NCKAP5: variants seen among roughly 807,000 people sequenced by gnomAD.
NCKAP5 encodes the protein NCK associated protein 5.
A neutral mutation model predicts 167.0 loss-of-function variants in NCKAP5; 92 were observed. That is an observed-to-expected ratio of 0.55 (90% CI 0.47 to 0.66). The LOEUF is 0.66. Among genes scored for constraint, NCKAP5 ranks in the 30% least tolerant of loss-of-function variants. The pLI is 0.00. For missense variants in NCKAP5, 2,378 were observed against 2,315.0 expected (o/e 1.03, Z -0.56); for synonymous variants, 891 against 877.4 (o/e 1.02, Z -0.27).
intron 6 of NCKAP5, among the ~76,000 whole-genome samples, chr2:133,106,744 G>A (rs1330812003): frequency 1.3e-5 from 2 of 152,078 alleles, no homozygotes; most frequent in African/African-American, 2.4e-5. Flanking sequence ...ACAGAGTTGT[G>A]GAAACAGCTG....
At chr2:133,544,026 C>T (rs1686446957) in intron 2 of NCKAP5, among the ~76,000 whole-genome samples, 1 of 152,190 alleles carries the variant, frequency 6.6e-6, no homozygotes, top group African/African-American at 2.4e-5. Context: ...CAATGGATTT[C>T]TTTGCAAATA....
intron 3 of NCKAP5, among the ~76,000 whole-genome samples, chr2:133,515,608 G>A (rs922065424): frequency 6.6e-6 from 1 of 152,186 alleles, no homozygotes; most frequent in Non-Finnish European, 1.5e-5. Flanking sequence ...CAAGTTTCAG[G>A]GTACAGCCAT....
chr2:133,208,720 G>A (rs540417306), intron 5 of NCKAP5, among the ~76,000 whole-genome samples: 1 of 152,272 alleles, frequency 6.6e-6, no homozygotes, highest in Non-Finnish European at 1.5e-5. Context: ...AGTGTACCAT[G>A]CTAATGCAAA....
At chr2:132,947,341 T>C (rs1045063578) in intron 8 of NCKAP5, among the ~76,000 whole-genome samples, 1 of 152,200 alleles carries the variant, frequency 6.6e-6, no homozygotes, top group African/African-American at 2.4e-5. Context: ...AAATAAGATA[T>C]GCTAATTTAT....
intron 8 of NCKAP5, among the ~76,000 whole-genome samples, chr2:132,935,984 T>C (rs1049937353): frequency 1.3e-5 from 2 of 151,440 alleles, no homozygotes; most frequent in African/African-American, 2.4e-5. Context: ...TTTTTTCTTT[T>C]TTTTTTTTTT....
intron 6 of NCKAP5, among the ~76,000 whole-genome samples, chr2:133,021,185 C>T (rs150303748): frequency 1.3e-5 from 2 of 152,178 alleles, no homozygotes; most frequent in African/African-American, 4.8e-5. Flanking sequence ...GAAAGCAGTA[C>T]CCTTAGAGGA....
At chr2:133,535,125 A>G (rs1685658823) in intron 2 of NCKAP5, among the ~76,000 whole-genome samples, 1 of 152,116 alleles carries the variant, frequency 6.6e-6, no homozygotes, top group African/African-American at 2.4e-5. Flanking sequence ...GGCTACTTGT[A>G]TATTGTTTTA....
chr2:133,592,147 C>T, the NCKAP5 span, among the ~76,000 whole-genome samples: 6 of 152,194 alleles, frequency 3.9e-5, no homozygotes, highest in East Asian at 5.8e-4. Flanking sequence ...ATACTATCTG[C>T]GTAGAATTCT....
Position 133,559,041 on chromosome 2 carries a change from A to G in NCKAP5, c.-62+9T>C, listed in dbSNP as rs943194536. 6.6e-6 allele frequency: 1 copy of G among 152,162 alleles called. No individual in the cohort carries two copies. The highest frequency in any genetic ancestry group is 1.5e-5 in the Non-Finnish European group (1 of 68,026). The allele number at this position is 152,162 out of a possible 1,614,324, so 9.4% of individuals were successfully genotyped here. On this transcript the variant is annotated intron_variant, in intron 2 of 19. Coordinates refer to ENST00000409261, the MANE Select transcript of NCKAP5 (RefSeq NM_207363.3). Reference sequence around the variant, plus strand: ...ATAGTATTATTAATAACGTATTAATACTACTTACATGTATTGTGAGTCTAT... The same window carrying G: ...ATAGTATTATTAATAACGTATTAATGCTACTTACATGTATTGTGAGTCTAT...
chr2:133,115,356 T>C (rs916510102), intron 6 of NCKAP5, among the ~76,000 whole-genome samples: 1 of 152,102 alleles, frequency 6.6e-6, no homozygotes, highest in Non-Finnish European at 1.5e-5. Context: ...CGATATTTTG[T>C]GGATTTCTTT....
the NCKAP5 span, among the ~76,000 whole-genome samples, chr2:133,656,213 G>A: frequency 7.2e-5 from 11 of 152,066 alleles, no homozygotes; most frequent in African/African-American, 2.4e-4. Context: ...ATTTGACCTT[G>A]GGCAAGTTAT....
chr2:132,937,047 G>A (rs992802314), intron 8 of NCKAP5, among the ~76,000 whole-genome samples: 4 of 152,150 alleles, frequency 2.6e-5, no homozygotes, highest in African/African-American at 7.2e-5. Context: ...TCCCACTGAG[G>A]GTAACTTGAG....
chr2:132,688,025 G>A (rs377688093), intron 19 of NCKAP5, among the ~76,000 whole-genome samples: 2 of 152,130 alleles, frequency 1.3e-5, no homozygotes, highest in African/African-American at 2.4e-5. Context: ...AACTCTGAAC[G>A]ACTACAAAAC....
At position 132,784,450 on chromosome 2, in the gene NCKAP5, C is replaced by T. The variant is rs780838969; in HGVS notation, c.2361G>A (p.Arg787=). 1 of 1,604,676 alleles carries T rather than the reference C, an allele frequency of 6.2e-7. No individual in the cohort carries two copies. Among genetic ancestry groups the T allele is most frequent in the South Asian group, 1.1e-5 (1 of 89,344 alleles). The change falls in exon 14 of 20, where the codon AGG becomes AGA. Residue 787 remains arginine (R), a synonymous_variant. Coordinates refer to ENST00000409261, the MANE Select transcript of NCKAP5 (RefSeq NM_207363.3). ...THNISCQSNS[R]SSAPMGIYQK... The stretch of plus-strand genomic sequence containing the variant: ...GATAGATGCCCATGGGTGCCGAAGA[C>T]CTGGAATTACTCTGGCATGATATAT...
intron 4 of NCKAP5, among the ~76,000 whole-genome samples, chr2:133,224,692 G>A (rs1298778526): frequency 6.6e-6 from 1 of 152,108 alleles, no homozygotes; most frequent in African/African-American, 2.4e-5. Context: ...CTGAATTAAA[G>A]TAACCCATTT....
chr2:133,499,928 C>T (rs1218280533), intron 3 of NCKAP5, among the ~76,000 whole-genome samples: 1 of 152,100 alleles, frequency 6.6e-6, no homozygotes, highest in Admixed American at 6.5e-5. Flanking sequence ...TCTGACACAA[C>T]ACCATTTTTC....
intron 16 of NCKAP5, among the ~76,000 whole-genome samples, chr2:132,770,083 A>C (rs78514437): frequency 6.6e-6 from 1 of 152,308 alleles, no homozygotes; most frequent in East Asian, 1.9e-4. Context: ...CAGTTTACTG[A>C]AGTAGGCTTG....
In NCKAP5 at chr2:133,129,930, A is replaced by C. The variant is rs2082538906; in HGVS notation, c.341+48T>G. 2.6e-6 allele frequency: 4 copies of C among 1,529,578 alleles called. No homozygotes were observed. The East Asian group carries it at 9.5e-5, about 36-fold the overall frequency. The allele number at this position is 1,529,578 out of a possible 1,614,324, so 94.8% of individuals were successfully genotyped here. A position where few individuals can be genotyped will look rare whatever the true frequency, so the allele number is the denominator to read the frequency against. On this transcript the variant is annotated intron_variant, in intron 6 of 19. Transcript: ENST00000409261. ...ATTCAATCCAAGGTGTTACTGGTGC[A>C]GAGAGAGATGCACCTCAGGAAGCAA...
intron 8 of NCKAP5, among the ~76,000 whole-genome samples, chr2:132,886,955 GA>G (rs1176847030): frequency 9.2e-5 from 14 of 152,012 alleles, no homozygotes; most frequent in Admixed American, 6.6e-4. Flanking sequence ...TTCAAAATCT[GA>G]AAAAAATCAG....
Sources: allele counts gnomAD v4.1 joint callset (sites outside exome capture counted in the v4.1 genomes callset), GRCh38; gene constraint gnomAD v4.1.1; transcripts MANE v1.5; gene names NCBI Gene and HGNC (gene_info 2026-07-23, HGNC 2026-07-21).